The following KCNG3 variants were observed in gnomAD, a reference collection of about 807,000 sequenced individuals.
The protein encoded by KCNG3 is potassium voltage-gated channel modifier subfamily G member 3.
In KCNG3, 15 loss-of-function variants were observed where a neutral mutation model predicts 29.0. The ratio of observed to expected loss-of-function variants is 0.52; its 90% CI spans 0.35 to 0.80. The LOEUF is 0.80. Among genes scored for constraint, KCNG3 ranks in the 30% least tolerant of loss-of-function variants. The pLI, the probability that KCNG3 is intolerant of heterozygous loss-of-function variation, is 0.01. For missense variants in KCNG3, 512 were observed against 605.7 expected (o/e 0.85, Z 1.62); for synonymous variants, 322 against 248.9 (o/e 1.29, Z -2.76).
chr2:42,451,047 A>C (rs543662236), intron 1 of KCNG3, among the ~76,000 whole-genome samples: 2 of 151,578 alleles, frequency 1.3e-5, no homozygotes, highest in African/African-American at 4.8e-5. Flanking sequence ...TCTCCCAAAA[A>C]TACAAAAATT....
chr2:42,409,699 CAAAAAAAAAAAA>C, the KCNG3 span, among the ~76,000 whole-genome samples: 748 of 51,994 alleles, frequency 0.014, 10 homozygotes, highest in African/African-American at 0.042. Context: ...GTGCCTGTCT[CAAAAAAAAAAAA>C]AAAAAAAAAA....
At chr2:42,417,006 T>C in the KCNG3 span, among the ~76,000 whole-genome samples, 1 of 152,096 alleles carries the variant, frequency 6.6e-6, no homozygotes, top group African/African-American at 2.4e-5. Flanking sequence ...CCCAGCACTT[T>C]GGGAGGCTGA....
downstream of KCNG3, among the ~76,000 whole-genome samples, chr2:42,437,932 C>G (rs1437438881): frequency 4.9e-5 from 5 of 102,674 alleles, no homozygotes; most frequent in Non-Finnish European, 9.3e-5. Flanking sequence ...GAGTGAAACT[C>G]TGTCTCCAAA....
Position 42,444,898 on chromosome 2 carries a change from C to CA in KCNG3, c.666-320dup, listed in dbSNP as rs61254551. Among the ~76,000 whole-genome samples the CA allele has an allele frequency of 6.7e-6, 1 of 149,510 alleles. No individual in the cohort carries two copies. Among genetic ancestry groups the CA allele is most frequent in the African/African-American group, 2.5e-5 (1 of 40,502 alleles). On this transcript the variant is annotated intron_variant, in intron 1 of 1. Coordinates refer to ENST00000306078, the MANE Select transcript of KCNG3 (RefSeq NM_133329.6). This position sits in a 1 kb window ranked among gnomAD's most constrained non-coding sequence, Gnocchi z 5.8. Reference sequence around the variant, plus strand: ...GCACCACAGCAAAACCCCGTCTCCACAAAAAAAAAATACAAAAATCAGCTG... The same window carrying CA: ...GCACCACAGCAAAACCCCGTCTCCACAAAAAAAAAAATACAAAAATCAGCTG...
chr2:42,395,467 C>T, the KCNG3 span, among the ~76,000 whole-genome samples: 1 of 152,100 alleles, frequency 6.6e-6, no homozygotes, highest in Non-Finnish European at 1.5e-5. Flanking sequence ...TTTGGGACTA[C>T]AGGTGCGCAG....
the KCNG3 span, among the ~76,000 whole-genome samples, chr2:42,423,593 G>A: frequency 3.3e-5 from 5 of 152,140 alleles, no homozygotes; most frequent in Non-Finnish European, 5.9e-5. Context: ...TCCCTGAACT[G>A]AATTTAAGAA....
At chr2:42,433,157 G>C in the KCNG3 span, among the ~76,000 whole-genome samples, 24 of 152,104 alleles carry the variant, frequency 1.6e-4, no homozygotes, top group African/African-American at 5.5e-4. Flanking sequence ...TTAGATAAGA[G>C]AAAGACGTAA....
At chr2:42,423,901 T>C in the KCNG3 span, among the ~76,000 whole-genome samples, 1 of 152,178 alleles carries the variant, frequency 6.6e-6, no homozygotes, top group Non-Finnish European at 1.5e-5. Flanking sequence ...TTGTCTAGTA[T>C]GTGGATTATA....
chr2:42,486,730 G>T (rs1233067786), intron 1 of KCNG3, among the ~76,000 whole-genome samples: 2 of 152,172 alleles, frequency 1.3e-5, no homozygotes. Flanking sequence ...TGCTTACTGT[G>T]CTGTCTGCTT....
intron 1 of KCNG3, among the ~76,000 whole-genome samples, chr2:42,448,118 T>C (rs547783069): frequency 6.6e-6 from 1 of 152,306 alleles, no homozygotes; most frequent in Non-Finnish European, 1.5e-5. Context: ...GTTGAGCATC[T>C]TTGCACATGT....
intron 1 of KCNG3, among the ~76,000 whole-genome samples, chr2:42,449,514 CTTTTT>C (rs36088470): frequency 7.0e-5 from 7 of 99,442 alleles, no homozygotes; most frequent in Non-Finnish European, 1.2e-4. Flanking sequence ...ACTGAGATTT[CTTTTT>C]TTTTTTTTTT....
In KCNG3 at chr2:42,444,545, C is replaced by A. The variant is rs754336596; in HGVS notation, c.700G>T (p.Ala234Ser). 6.2e-7 allele frequency: 1 copy of A among 1,613,846 alleles called. No individual in the cohort carries two copies. Among genetic ancestry groups the A allele is most frequent in the South Asian group, 1.1e-5 (1 of 91,014 alleles). Reference sequence around the variant, plus strand: ...ACAATGAACCTCACGATGCACTCGGCAGTGAACCAACCTATGCAGATAGCT... The same window carrying A: ...ACAATGAACCTCACGATGCACTCGGAAGTGAACCAACCTATGCAGATAGCT... Reference protein sequence around the residue: ...IEAICIGWFTAECIVRFIVSK... With the variant: ...IEAICIGWFTSECIVRFIVSK... Residue 234 changes from alanine (A) to serine (S), a missense_variant, in exon 2 of 2, where the codon GCC becomes TCC. This residue lies in a region of KCNG3 where 173 missense variants were observed against 262.4 expected (regional missense o/e 0.66). Coordinates refer to ENST00000306078, the MANE Select transcript of KCNG3 (RefSeq NM_133329.6). The surrounding 1 kb of genome is among the most constrained non-coding windows in gnomAD (Gnocchi z 5.8).
At chr2:42,402,695 A>G in the KCNG3 span, among the ~76,000 whole-genome samples, 6 of 152,344 alleles carry the variant, frequency 3.9e-5, no homozygotes, top group Admixed American at 2.0e-4. Context: ...CACATCTATC[A>G]TATAACAAGA....
chr2:42,420,962 T>A, the KCNG3 span, among the ~76,000 whole-genome samples: 1 of 152,186 alleles, frequency 6.6e-6, no homozygotes. Flanking sequence ...GACCACCCAT[T>A]GCTCAACTGT....
rs139768600 is a variant in KCNG3 at position 42,492,016 on chromosome 2, G to C, written c.665+821C>G. 6.5e-3 allele frequency among the ~76,000 whole-genome samples: 996 copies of C among 152,282 alleles called. 2 individuals are homozygous for C. The highest frequency in any genetic ancestry group is 0.01 in the Non-Finnish European group (704 of 68,022). ...GCTCACTTGTACTAAAAACAGGAAA[G>C]TGCTATCACCACTTCAAGGTAAGAC... is the stretch of plus-strand genomic sequence containing the variant. On this transcript the variant is annotated intron_variant, in intron 1 of 1. Coordinates refer to ENST00000306078, the MANE Select transcript of KCNG3 (RefSeq NM_133329.6).
rs1361295326 is a variant in KCNG3 at position 42,475,597 on chromosome 2, T to C, written c.665+17240A>G. 2.6e-5 allele frequency among the ~76,000 whole-genome samples: 4 copies of C among 150,996 alleles called. No individual in the cohort carries two copies. The Admixed American group carries it at 2.7e-4, about 10-fold the overall frequency. On this transcript the variant is annotated intron_variant, in intron 1 of 1. Transcript: ENST00000306078. Reference sequence around the variant, plus strand: ...TGCCCACCTCAGCCTCCCAAAGTTCTGTGATTACAGGCATGAGCTGCTGCG... The same window carrying C: ...TGCCCACCTCAGCCTCCCAAAGTTCCGTGATTACAGGCATGAGCTGCTGCG...
intron 1 of KCNG3, among the ~76,000 whole-genome samples, chr2:42,484,563 C>T (rs911259058): frequency 1.3e-5 from 2 of 152,176 alleles, no homozygotes; most frequent in East Asian, 1.9e-4. Context: ...TGTGTGTACA[C>T]GCACATGTGT....
In KCNG3 at chr2:42,443,011, T is replaced by G. The variant is rs781364882; in HGVS notation, c.*923A>C. The G allele has an allele frequency of 1.3e-5, 2 of 152,204 alleles. No homozygotes were observed. Among genetic ancestry groups the G allele is most frequent in the Non-Finnish European group, 2.9e-5 (2 of 68,022 alleles). 9.4% of individuals were successfully genotyped at this position (152,204 alleles called of 1,614,324 possible). Reference sequence around the variant, plus strand: ...TTGCTACTAAAAGGCTATATAAATATCCTTTCATCTGATAAGTCTTATTAA... The same window carrying G: ...TTGCTACTAAAAGGCTATATAAATAGCCTTTCATCTGATAAGTCTTATTAA... On this transcript the variant is annotated 3_prime_UTR_variant, in exon 2 of 2. Coordinates refer to ENST00000306078, the MANE Select transcript of KCNG3 (RefSeq NM_133329.6).
the KCNG3 span, among the ~76,000 whole-genome samples, chr2:42,402,279 G>T: frequency 6.6e-6 from 1 of 152,302 alleles, no homozygotes; most frequent in Non-Finnish European, 1.5e-5. Flanking sequence ...AGCATATCGT[G>T]GGGCTTTTTG....
Sources: allele counts gnomAD v4.1 joint callset (sites outside exome capture counted in the v4.1 genomes callset), GRCh38; gene constraint gnomAD v4.1.1; regional missense constraint gnomAD v4.1.1; non-coding constraint Gnocchi (gnomAD v3.1); transcripts MANE v1.5; gene names NCBI Gene and HGNC (gene_info 2026-07-23, HGNC 2026-07-21).